Variants in GLIS1 observed in about 807,000 individuals in gnomAD.
The protein encoded by GLIS1 is GLIS family zinc finger 1, also known as zinc finger protein GLIS1.
Under a neutral mutation model 63.8 loss-of-function variants are expected in GLIS1, and 24 were observed. The observed-to-expected ratio is 0.38, with a 90% CI of 0.27 to 0.53. The LOEUF (loss-of-function observed/expected upper bound fraction) is 0.53, where lower values mean the gene tolerates loss of function less well. Ranked by LOEUF, GLIS1 falls within the 20% of genes least tolerant of loss-of-function variation. The probability of loss-of-function intolerance (pLI) is 0.85; values close to 1 mark genes in which losing one functional copy is unlikely to be tolerated. For synonymous variants in GLIS1, 450 were observed against 482.5 expected (o/e 0.93, Z 0.88); for missense variants, 1,036 against 1,074.1 (o/e 0.96, Z 0.50).
chr1:53,700,349 G>C (rs1041537756), intron 2 of GLIS1, among the ~76,000 whole-genome samples: 2 of 152,172 alleles, frequency 1.3e-5, no homozygotes, highest in Non-Finnish European at 2.9e-5. Flanking sequence ...CTAGAGGAAG[G>C]GGCAGGAATG....
chr1:53,720,841 A>G (rs1001673365), intron 2 of GLIS1, among the ~76,000 whole-genome samples: 1 of 152,166 alleles, frequency 6.6e-6, no homozygotes. Context: ...ACTACAAAAC[A>G]TACAACATTA....
chr1:53,697,409 G>C (rs1646476510), intron 2 of GLIS1, among the ~76,000 whole-genome samples: 1 of 152,162 alleles, frequency 6.6e-6, no homozygotes, highest in African/African-American at 2.4e-5. Context: ...TTCTGCCTAA[G>C]GGACCTCTCT....
rs1177983531 is a variant in GLIS1 at position 53,646,912 on chromosome 1, G to C, written c.260-46634C>G. ...AAGGGAAGGAAGGAAAGGAAGGAAG[G>C]GAAGGAAGGAAGGAAGGAAAGAAGG... On this transcript the variant is annotated intron_variant, in intron 2 of 10. Transcript: ENST00000628545. This position sits in a 1 kb window ranked among gnomAD's most constrained non-coding sequence, Gnocchi z 4.2. 2.7e-5 allele frequency among the ~76,000 whole-genome samples: 4 copies of C among 145,524 alleles called. No individual in the cohort carries two copies. The highest frequency in any genetic ancestry group is 6.0e-5 in the Non-Finnish European group (4 of 66,722).
chr1:53,672,175 A>G (rs1481788313), intron 2 of GLIS1, among the ~76,000 whole-genome samples: 5 of 152,196 alleles, frequency 3.3e-5, no homozygotes, highest in Non-Finnish European at 7.4e-5. Flanking sequence ...CCAGAAGCCC[A>G]GGGTATATCC....
chr1:53,519,159 C>G (rs971891886), intron 7 of GLIS1, among the ~76,000 whole-genome samples: 1 of 152,178 alleles, frequency 6.6e-6, no homozygotes, highest in African/African-American at 2.4e-5. Flanking sequence ...ATGAGCCCCC[C>G]GGTCCCTTCC....
intron 4 of GLIS1, among the ~76,000 whole-genome samples, chr1:53,553,630 T>C (rs1360623446): frequency 6.6e-6 from 1 of 152,184 alleles, no homozygotes; most frequent in East Asian, 1.9e-4. Context: ...CCTTGTGGTA[T>C]GGCAGGGAGT....
intron 2 of GLIS1, among the ~76,000 whole-genome samples, chr1:53,687,379 C>T (rs1365593580): frequency 6.6e-6 from 1 of 152,212 alleles, no homozygotes; most frequent in African/African-American, 2.4e-5. Flanking sequence ...AGTTCTTTCA[C>T]TAATTATTTA....
chr1:53,523,360 G>C (rs1403134571), intron 6 of GLIS1, among the ~76,000 whole-genome samples: 1 of 151,968 alleles, frequency 6.6e-6, no homozygotes, highest in African/African-American at 2.4e-5. Flanking sequence ...TCCCACTGAG[G>C]CCCCTTGCTC....
chr1:53,633,313 CT>C (rs1232382767), intron 2 of GLIS1, among the ~76,000 whole-genome samples: 1 of 108,980 alleles, frequency 9.2e-6, no homozygotes, highest in East Asian at 2.8e-4. Context: ...ATGAGTGTGA[CT>C]GGGGGGCGTG....
chr1:53,578,672 C>A (rs141162545), intron 4 of GLIS1, among the ~76,000 whole-genome samples: 1 of 152,182 alleles, frequency 6.6e-6, no homozygotes, highest in Non-Finnish European at 1.5e-5. Context: ...GATTCAATCA[C>A]GATAATTAAG....
chr1:53,626,742 T>C lies in GLIS1; in HGVS notation c.260-26464A>G, dbSNP rs1304008209. On this transcript the variant is annotated intron_variant, in intron 2 of 10. Transcript: ENST00000628545. ...TTCAGTGATGCCCTCAGTGCAACTT[T>C]CCTACACATCCTTGCTCTGCTCCTC... Among the ~76,000 whole-genome samples, 7 of 152,282 alleles carry C rather than the reference T, an allele frequency of 4.6e-5. No individual in the cohort carries two copies. In the South Asian group the frequency reaches 1.0e-3, roughly 23 times the overall value.
chr1:53,717,273 A>G (rs1646709676), intron 2 of GLIS1, among the ~76,000 whole-genome samples: 1 of 152,234 alleles, frequency 6.6e-6, no homozygotes, highest in Non-Finnish European at 1.5e-5. Context: ...AGGATGAATT[A>G]ATCCACGTAA....
intron 2 of GLIS1, among the ~76,000 whole-genome samples, chr1:53,640,870 G>A (rs371194294): frequency 3.5e-4 from 53 of 152,170 alleles, no homozygotes; most frequent in African/African-American, 9.9e-4. Flanking sequence ...GGCAGCTCCC[G>A]GAGTCTGGGC....
intron 4 of GLIS1, among the ~76,000 whole-genome samples, chr1:53,587,473 T>C (rs1406694381): frequency 3.3e-5 from 5 of 152,214 alleles, no homozygotes; most frequent in African/African-American, 1.2e-4. Context: ...CCACTTGGCC[T>C]CTCTGGCCTC....
chr1:53,635,726 G>A (rs1447187026), intron 2 of GLIS1, among the ~76,000 whole-genome samples: 1 of 152,124 alleles, frequency 6.6e-6, no homozygotes, highest in Non-Finnish European at 1.5e-5. Context: ...CAAGAAAGAA[G>A]GAGGAGGCAC....
In GLIS1 at chr1:53,539,918, C is replaced by A. The variant is rs185205709; in HGVS notation, c.1321-9966G>T. ...TCTCTAGCCCAATGTCTACTTCCCT[C>A]CCCACGCTGCAGCCACAGGCCACAC... is the stretch of plus-strand genomic sequence containing the variant. On this transcript the variant is annotated intron_variant, in intron 4 of 10. Transcript: ENST00000628545. The surrounding 1 kb of genome is among the most constrained non-coding windows in gnomAD (Gnocchi z 5.0). Among the ~76,000 whole-genome samples the A allele has an allele frequency of 8.5e-5, 13 of 152,292 alleles. No individual in the cohort carries two copies. The highest frequency in any genetic ancestry group is 3.1e-4 in the African/African-American group (13 of 41,548).
chr1:53,585,759 C>T (rs1182894066), intron 4 of GLIS1, among the ~76,000 whole-genome samples: 1 of 152,214 alleles, frequency 6.6e-6, no homozygotes, highest in Non-Finnish European at 1.5e-5. Context: ...GGCCTGGCTG[C>T]AGGCAGGAGT....
At chr1:53,633,543 C>T (rs978275566) in intron 2 of GLIS1, among the ~76,000 whole-genome samples, 1 of 151,784 alleles carries the variant, frequency 6.6e-6, no homozygotes, top group Admixed American at 6.6e-5. Flanking sequence ...ATGTGTGTGA[C>T]GGGGGACCAC....
chr1:53,622,041 C>G (rs190644456), intron 2 of GLIS1, among the ~76,000 whole-genome samples: 11 of 152,284 alleles, frequency 7.2e-5, no homozygotes, highest in Admixed American at 6.5e-4. Context: ...CCATCTCAGC[C>G]TCCCAAAGTG....
Sources: allele counts gnomAD v4.1 joint callset (sites outside exome capture counted in the v4.1 genomes callset), GRCh38; gene constraint gnomAD v4.1.1; non-coding constraint Gnocchi (gnomAD v3.1); transcripts MANE v1.5; gene names NCBI Gene and HGNC (gene_info 2026-07-23, HGNC 2026-07-21).